NYNRIN: variants seen among roughly 807,000 people sequenced by gnomAD.
NYNRIN encodes the protein protein NYNRIN.
Under a neutral mutation model 146.6 loss-of-function variants are expected in NYNRIN, and 86 were observed. The observed-to-expected ratio is 0.59, with a 90% CI of 0.49 to 0.70. The LOEUF is 0.70. NYNRIN is among the 30% of genes least tolerant of loss of function. NYNRIN has a pLI of 0.00. For synonymous variants in NYNRIN, 1,027 were observed against 1,001.3 expected, an observed-to-expected ratio of 1.03 and a Z score of -0.48; for missense variants, 2,191 against 2,377.7, an observed-to-expected ratio of 0.92 and a Z score of 1.63.
At position 24,411,016 on chromosome 14, in the gene NYNRIN, G is replaced by C; in HGVS notation, c.2415-60G>C. 6.2e-7 allele frequency: 1 copy of C among 1,606,096 alleles called. No individual in the cohort carries two copies. The highest frequency in any genetic ancestry group is 8.5e-7 in the Non-Finnish European group (1 of 1,176,554). ...CTGGCATTGCTTGCTTGCTGCCCCAGGGCTGGCTCTGAGGGAGGAGTGGTG... is the reference window on the plus strand; with the variant it reads ...CTGGCATTGCTTGCTTGCTGCCCCACGGCTGGCTCTGAGGGAGGAGTGGTG... On this transcript the variant is annotated intron_variant, in intron 4 of 8. Transcript: ENST00000382554. This position sits in a 1 kb window ranked among gnomAD's most constrained non-coding sequence, Gnocchi z 4.3.
At position 24,410,131 on chromosome 14, in the gene NYNRIN, C is replaced by T. The variant is rs375668048; in HGVS notation, c.2337C>T (p.Phe779=). 128 of 1,613,596 alleles carry T rather than the reference C, an allele frequency of 7.9e-5. No homozygotes were observed. Among genetic ancestry groups the T allele is most frequent in the Admixed American group, 1.0e-4 (6 of 59,990 alleles). Residue 779 remains phenylalanine (F), a synonymous_variant, in exon 4 of 9, where the codon TTC becomes TTT. Transcript: ENST00000382554. Reference sequence around the variant, plus strand: ...ACCACGAGGCCCTGAATACACCCTTCGAGCTGAACCTGTCAGGGGAACCTG... The same window carrying T: ...ACCACGAGGCCCTGAATACACCCTTTGAGCTGAACCTGTCAGGGGAACCTG... ...QRYHEALNTP[F]ELNLSGEPGN...
chr14:24,414,643 C>G lies in NYNRIN; in HGVS notation c.2894C>G (p.Pro965Arg). The change falls in exon 9 of 9, where the codon CCT (proline) becomes CGT (arginine). Residue 965 changes from proline to arginine, a missense_variant. Around this residue, in one of 3 missense-constraint regions of NYNRIN, gnomAD observed 1,291 missense variants for 1,417.0 expected, o/e 0.91. Coordinates refer to ENST00000382554, the MANE Select transcript of NYNRIN (RefSeq NM_025081.3). Reference sequence around the variant, plus strand: ...TTCCTGAAGGTGTGGAAGACCCTTCCTCCCAGCTCAGCCAGTGTCACTGAG... The same window carrying G: ...TTCCTGAAGGTGTGGAAGACCCTTCGTCCCAGCTCAGCCAGTGTCACTGAG... Reference protein sequence around the residue: ...GNFLKVWKTLPPSSASVTELS... With the variant: ...GNFLKVWKTLRPSSASVTELS... 6.2e-7 allele frequency: 1 copy of G among 1,613,732 alleles called. No homozygotes were observed. Among genetic ancestry groups the G allele is most frequent in the Non-Finnish European group, 8.5e-7 (1 of 1,179,752 alleles).
Position 24,411,391 on chromosome 14 carries a change from G to A in NYNRIN, c.2583G>A (p.Met861Ile). 1.2e-6 allele frequency: 2 copies of A among 1,613,990 alleles called. No individual in the cohort carries two copies. The highest frequency in any genetic ancestry group is 1.7e-6 in the Non-Finnish European group (2 of 1,179,900). Residue 861 changes from methionine to isoleucine, a missense_variant, in exon 6 of 9, where the codon ATG (methionine) becomes ATA (isoleucine). Around this residue, in one of 3 missense-constraint regions of NYNRIN, gnomAD observed 1,291 missense variants for 1,417.0 expected, o/e 0.91. Coordinates refer to ENST00000382554, the MANE Select transcript of NYNRIN (RefSeq NM_025081.3). The surrounding 1 kb of genome is among the most constrained non-coding windows in gnomAD (Gnocchi z 4.3). ...HFLTKLHSLKMLSITPSQLEN... is the reference protein window; with the variant it reads ...HFLTKLHSLKILSITPSQLEN... Reference sequence around the variant, plus strand: ...TGACGAAGCTACACTCGCTCAAGATGCTTTCAATCACACCCTCCCAGCTTG... The same window carrying A: ...TGACGAAGCTACACTCGCTCAAGATACTTTCAATCACACCCTCCCAGCTTG...
chr14:24,416,218 ACAT>A lies in NYNRIN; in HGVS notation c.4473_4475del (p.Ile1492del). The A allele has an allele frequency of 6.2e-7, 1 of 1,613,958 alleles. No individual in the cohort carries two copies. On this transcript the variant is annotated inframe_deletion, in exon 9 of 9. Coordinates refer to ENST00000382554, the MANE Select transcript of NYNRIN (RefSeq NM_025081.3). ...CAGCTGAGTGACAGCACCCTGGCCG[ACAT>A]CATTGCCAGGCTGCAGGCTGGGCAG... is the stretch of plus-strand genomic sequence containing the variant.
Position 24,408,251 on chromosome 14 carries a change from G to C in NYNRIN, c.581G>C (p.Arg194Pro). The C allele has an allele frequency of 6.2e-7, 1 of 1,609,488 alleles. No individual in the cohort carries two copies. ...CAGGAGCTGCTGCTGAGCCTGGTGC[G>C]GGATGCTGCGGGCAAGGAAGACATC... Reference protein sequence around the residue: ...AVQELLLSLVRDAAGKEDIIE... With the variant: ...AVQELLLSLVPDAAGKEDIIE... Residue 194 changes from arginine (R) to proline (P), a missense_variant, in exon 3 of 9, where the codon CGG (arginine) becomes CCG (proline). Arg to Pro is a moderately radical substitution (Grantham distance 103). Around this residue, in one of 3 missense-constraint regions of NYNRIN, gnomAD observed 895 missense variants for 941.2 expected, o/e 0.95. Transcript: ENST00000382554.
Position 24,411,476 on chromosome 14 carries a change from C to T in NYNRIN, c.2642+26C>T, listed in dbSNP as rs200342388. On this transcript the variant is annotated intron_variant, in intron 6 of 8. Coordinates refer to ENST00000382554, the MANE Select transcript of NYNRIN (RefSeq NM_025081.3). This position sits in a 1 kb window ranked among gnomAD's most constrained non-coding sequence, Gnocchi z 4.3. The stretch of plus-strand genomic sequence containing the variant: ...GTGTGCCGGTCCCCAGGCCTGCCCT[C>T]CTGGGCTCAGGGAGTTGGGCCTGGC... The T allele has an allele frequency of 2.9e-4, 463 of 1,602,088 alleles. 2 individuals carry two copies. The African/African-American group carries it at 5.4e-3, about 19-fold the overall frequency.
Position 24,411,070 on chromosome 14 carries a change from C to A in NYNRIN, c.2415-6C>A. The A allele has an allele frequency of 6.2e-7, 1 of 1,613,750 alleles. No homozygotes were observed. The highest frequency in any genetic ancestry group is 8.5e-7 in the Non-Finnish European group (1 of 1,179,828). On this transcript the variant is annotated splice_region_variant and splice_polypyrimidine_tract_variant and intron_variant, in intron 4 of 8. Transcript: ENST00000382554. The surrounding 1 kb of genome is among the most constrained non-coding windows in gnomAD (Gnocchi z 4.3). ...CAGGGTCTTTCCTTGTCCCACGACCCCACAGGCATGGCCTGCAGCACTTCT... is the reference window on the plus strand; with the variant it reads ...CAGGGTCTTTCCTTGTCCCACGACCACACAGGCATGGCCTGCAGCACTTCT...
chr14:24,413,876 C>A (rs553012421), intron 8 of NYNRIN, among the ~76,000 whole-genome samples: 1 of 152,352 alleles, frequency 6.6e-6, no homozygotes, highest in East Asian at 1.9e-4. Flanking sequence ...GAAGCTGTGT[C>A]TAGAGTATTC....
rs762178977 is a variant in NYNRIN at position 24,415,286 on chromosome 14, C to T, written c.3537C>T (p.His1179=). 4 of 1,613,964 alleles carry T rather than the reference C, an allele frequency of 2.5e-6. No homozygotes were observed. The highest frequency in any genetic ancestry group is 3.4e-6 in the Non-Finnish European group (4 of 1,179,870). The change falls in exon 9 of 9, where the codon CAC becomes CAT. Residue 1179 remains histidine (H), a synonymous_variant. Transcript: ENST00000382554. ...VALTAILHQE[H]SGRKHPIAYT... is the part of the protein sequence containing the mutation. ...TGACGGCCATCCTCCATCAGGAGCA[C>T]TCAGGGAGGAAGCACCCCATAGCCT...
intron 2 of NYNRIN, among the ~76,000 whole-genome samples, chr14:24,406,104 G>A (rs974750540): frequency 6.6e-6 from 1 of 151,924 alleles, no homozygotes; most frequent in Non-Finnish European, 1.5e-5. Context: ...GGAGGCTGCC[G>A]TGAGCTGAGA....
rs898924085 is a variant in NYNRIN at position 24,418,100 on chromosome 14, C to G, written c.*654C>G. 2 of 367,262 alleles carry G rather than the reference C, an allele frequency of 5.4e-6. No homozygotes were observed. Among genetic ancestry groups the G allele is most frequent in the Admixed American group, 3.4e-5 (1 of 29,566 alleles). 22.8% of individuals were successfully genotyped at this position (367,262 alleles called of 1,614,324 possible). A position where few individuals can be genotyped will look rare whatever the true frequency, so the allele number is the denominator to read the frequency against. On this transcript the variant is annotated 3_prime_UTR_variant, in exon 9 of 9. Transcript: ENST00000382554. ...GTCTTGGAGTGGGAGGATGGCCAGC[C>G]ACAAGCCACCAGCTTGTCAGCATGG... is the stretch of plus-strand genomic sequence containing the variant.
chr14:24,399,936 G>A (rs2042830714), intron 2 of NYNRIN, among the ~76,000 whole-genome samples: 1 of 152,158 alleles, frequency 6.6e-6, no homozygotes, highest in East Asian at 1.9e-4. Flanking sequence ...AGGACTGGAG[G>A]GGCCTTTAGA....
Position 24,416,536 on chromosome 14 carries a change from G to T in NYNRIN, c.4787G>T (p.Gly1596Val). ...CLFCIPRNLI[G>V]SELKVIESPW... ...TTCTGCATCCCCCGAAATCTCATAG[G>T]CAGCGAGTTGAAGGTTATTGAGTCC... is the stretch of plus-strand genomic sequence containing the variant. Residue 1596 changes from glycine (G) to valine (V), a missense_variant, in exon 9 of 9, where the codon GGC becomes GTC. Gly to Val is a moderately radical substitution (Grantham distance 109, BLOSUM62 -3). This residue lies in a region of NYNRIN where 1,291 missense variants were observed against 1,417.0 expected (regional missense o/e 0.91). Transcript: ENST00000382554. The T allele has an allele frequency of 1.2e-6, 2 of 1,613,942 alleles. No individual in the cohort carries two copies. The highest frequency in any genetic ancestry group is 1.7e-6 in the Non-Finnish European group (2 of 1,179,884).
chr14:24,409,639 T>C lies in NYNRIN; in HGVS notation c.1845T>C (p.Ala615=). 1 of 1,607,276 alleles carries C rather than the reference T, an allele frequency of 6.2e-7. No individual in the cohort carries two copies. Among genetic ancestry groups the C allele is most frequent in the Non-Finnish European group, 8.5e-7 (1 of 1,176,858 alleles). ...TTGTGAATCAACCAGTGTTGGTAGC[T>C]CAAGTGGAACCCACAACTCCAAAAA... ...KTVVNQPVLV[A]QVEPTTPKTP... Residue 615 remains alanine (A), a synonymous_variant, in exon 4 of 9, where the codon GCT becomes GCC. Transcript: ENST00000382554.
chr14:24,414,883 A>G lies in NYNRIN; in HGVS notation c.3134A>G (p.His1045Arg), dbSNP rs546544996. ...GAGATCCTGCGGTGCCTCAGCCTCC[A>G]TGATCCCCCTGATGGGGCCCTGGAC... ...SEEILRCLSL[H>R]DPPDGALDID... Residue 1045 changes from histidine (H) to arginine (R), a missense_variant, in exon 9 of 9, where the codon CAT becomes CGT. Physicochemically the swap from His to Arg is conservative, Grantham distance 29. Transcript: ENST00000382554. 3.1e-6 allele frequency: 5 copies of G among 1,609,578 alleles called. No homozygotes were observed. In the African/African-American group the frequency reaches 6.7e-5, roughly 21 times the overall value.
At chr14:24,404,578 C>T (rs1327619984) in intron 2 of NYNRIN, among the ~76,000 whole-genome samples, 1 of 152,118 alleles carries the variant, frequency 6.6e-6, no homozygotes, top group African/African-American at 2.4e-5. Flanking sequence ...CCTGATAATC[C>T]TTGCATGATA....
At chr14:24,401,163 C>G (rs890871216) in intron 2 of NYNRIN, among the ~76,000 whole-genome samples, 7 of 152,218 alleles carry the variant, frequency 4.6e-5, no homozygotes, top group Admixed American at 4.6e-4. Flanking sequence ...CCAGGCCTAC[C>G]TGCTCCGTCT....
intron 2 of NYNRIN, among the ~76,000 whole-genome samples, chr14:24,403,004 G>A (rs1024463232): frequency 3.9e-5 from 6 of 152,030 alleles, no homozygotes; most frequent in Non-Finnish European, 5.9e-5. Context: ...TTAATTAATT[G>A]ACGTTTGCTG....
rs1231875014 is a variant in NYNRIN at position 24,413,432 on chromosome 14, C to T, written c.2846+15C>T. The T allele has an allele frequency of 6.4e-7, 1 of 1,561,930 alleles. No individual in the cohort carries two copies. Among genetic ancestry groups the T allele is most frequent in the Non-Finnish European group, 8.7e-7 (1 of 1,147,820 alleles). The stretch of plus-strand genomic sequence containing the variant: ...AAGCCAAACAGGTAATAGGTCAGAC[C>T]TCCCCAGCCTCCCAGGCCCTCCTGG... On this transcript the variant is annotated intron_variant, in intron 8 of 8. Transcript: ENST00000382554.
Sources: allele counts gnomAD v4.1 joint callset (sites outside exome capture counted in the v4.1 genomes callset), GRCh38; gene constraint gnomAD v4.1.1; regional missense constraint gnomAD v4.1.1; non-coding constraint Gnocchi (gnomAD v3.1); transcripts MANE v1.5; gene names NCBI Gene and HGNC (gene_info 2026-07-23, HGNC 2026-07-21).